The following PSMD10 variants were observed in gnomAD, a reference collection of about 807,000 sequenced individuals.
PSMD10 encodes 26S proteasome non-ATPase regulatory subunit 10.
Under a neutral mutation model 13.2 loss-of-function variants are expected in PSMD10, and 2 were observed. The observed-to-expected ratio is 0.15, with a 90% CI of 0.06 to 0.48. The LOEUF is 0.48. Among genes scored for constraint, PSMD10 ranks in the 20% least tolerant of loss-of-function variants. PSMD10 has a pLI of 0.97. For missense variants in PSMD10, 120 were observed against 167.4 expected, an observed-to-expected ratio of 0.72 and a Z score of 1.56; for synonymous variants, 66 against 64.4, an observed-to-expected ratio of 1.03 and a Z score of -0.12.
intron 1 of PSMD10, among the ~76,000 whole-genome samples, chrX:108,090,140 T>G (rs1263800407): frequency 8.9e-6 from 1 of 112,244 alleles, no homozygotes; most frequent in African/African-American, 3.2e-5. Flanking sequence ...TCTCTTTCAG[T>G]ATGTAAAAAA....
chrX:108,089,865 T>TA (rs2031549746), intron 1 of PSMD10, among the ~76,000 whole-genome samples: 1 of 111,448 alleles, frequency 9.0e-6, no homozygotes, highest in Admixed American at 9.5e-5. Context: ...AAATAAAAAT[T>TA]AAAAAAGCTA....
At chrX:108,089,979 T>C (rs1018983215) in intron 1 of PSMD10, among the ~76,000 whole-genome samples, 3 of 112,183 alleles carry the variant, frequency 2.7e-5, no homozygotes, top group Non-Finnish European at 5.6e-5. Context: ...TACAAAAAAA[T>C]TTCAAACACA....
rs2031479744 is a variant in PSMD10, at chrX:108,085,018, TG to T, written c.636del (p.Gly214ValfsTer5). The T allele has an allele frequency of 8.3e-7, 1 of 1,207,936 alleles. No homozygotes were observed. The highest frequency in any genetic ancestry group is 1.1e-6 in the Non-Finnish European group (1 of 894,241). On this transcript the variant is annotated frameshift_variant, in exon 5 of 5. Transcript: ENST00000217958. LOFTEE classifies it high-confidence loss of function. ...NKEEKTPLQV[A>X]KGGLGLILKR... is the part of the protein sequence containing the mutation. ...TTGAGTATTAAACCCAGGCCACCTT[TG>T]GCCACTTGCAGGGGTGTCTTTTCTT...
chrX:108,087,544 T>C lies in PSMD10; in HGVS notation c.527+142A>G. ...GGCAAGATAATAGGCAATTTTTATC[T>C]TTATATTTTGTGCAATTTAACATTT... On this transcript the variant is annotated intron_variant, in intron 4 of 4. Transcript: ENST00000217958. 5.7e-6 allele frequency: 5 copies of C among 878,114 alleles called. No individual in the cohort carries two copies. The South Asian group carries it at 1.6e-4, about 28-fold the overall frequency. 72.4% of individuals were successfully genotyped at this position (878,114 alleles called of 1,213,427 possible). A position where few individuals can be genotyped will look rare whatever the true frequency, so the allele number is the denominator to read the frequency against.
At chrX:108,088,246 A>ATATATATATAAACCATATC in intron 2 of PSMD10, 147 bp from the exon 3 acceptor site, 2 of 552,693 alleles carry the variant, frequency 3.6e-6, no homozygotes, top group Non-Finnish European at 5.7e-6. Flanking sequence ...TCACAAATCT[A>ATATATATATAAACCATATC]ATCCTAATAT....
chrX:108,086,454 T>C (rs985195365), intron 4 of PSMD10, among the ~76,000 whole-genome samples: 9 of 112,059 alleles, frequency 8.0e-5, no homozygotes, highest in African/African-American at 2.9e-4. Flanking sequence ...ACTTCTCTTA[T>C]GTAAAAGAAA....
chrX:108,084,856 A>C lies in PSMD10; in HGVS notation c.*118T>G. 3 of 838,375 alleles carry C rather than the reference A, an allele frequency of 3.6e-6. No homozygotes were observed. Among genetic ancestry groups the C allele is most frequent in the Non-Finnish European group, 3.3e-6 (2 of 614,299 alleles). 69.1% of individuals were successfully genotyped at this position (838,375 alleles called of 1,213,427 possible). A position where few individuals can be genotyped will look rare whatever the true frequency, so the allele number is the denominator to read the frequency against. ...GAACAAGAGTCAACATGTTTATAAG[A>C]CTTTGAAGGTGAGAAAACTTCATCA... On this transcript the variant is annotated 3_prime_UTR_variant, in exon 5 of 5. Transcript: ENST00000217958.
At chrX:108,089,970 A>C (rs1383401068) in intron 1 of PSMD10, among the ~76,000 whole-genome samples, 1 of 112,581 alleles carries the variant, frequency 8.9e-6, no homozygotes, top group South Asian at 3.6e-4. Context: ...AAACTCTATT[A>C]CAAAAAAATT....
rs184684713 is a variant in PSMD10 at position 108,090,484 on chromosome X, T to C, written c.114+923A>G. On this transcript the variant is annotated intron_variant, in intron 1 of 4. Transcript: ENST00000217958. The stretch of plus-strand genomic sequence containing the variant: ...ATCCTTAAATATCACCAGACCATAA[T>C]GAAGTAAACCAGGTAAAGATAAGGC... 4.3e-3 allele frequency among the ~76,000 whole-genome samples: 482 copies of C among 112,139 alleles called. 3 individuals carry two copies. Among genetic ancestry groups the C allele is most frequent in the African/African-American group, 0.015 (451 of 30,847 alleles).
At chrX:108,087,366 TTATAC>T (rs1238177089) in intron 4 of PSMD10, 1 of 170,110 alleles carries the variant, frequency 5.9e-6, no homozygotes, top group African/African-American at 3.1e-5. Flanking sequence ...TAATATATGC[TTATAC>T]TATGAGGTGA....
At position 108,084,516 on chromosome X, in the gene PSMD10, A is replaced by C. The variant is rs1371047721; in HGVS notation, c.*458T>G. On this transcript the variant is annotated 3_prime_UTR_variant, in exon 5 of 5. Transcript: ENST00000217958. ...AAATTAAACCTCATGGTTAAAAAAA[A>C]CAGAAACGTTTGGCGTAGGCCTGAG... The C allele has an allele frequency of 1.8e-5, 2 of 113,644 alleles. No homozygotes were observed. The highest frequency in any genetic ancestry group is 3.7e-5 in the Non-Finnish European group (2 of 53,849). The allele number at this position is 113,644 out of a possible 1,213,427, so 9.4% of individuals were successfully genotyped here.
At chrX:108,091,298 C>T in intron 1 of PSMD10, 109 bp downstream of exon 1, 2 of 709,018 alleles carry the variant, frequency 2.8e-6, no homozygotes, top group Non-Finnish European at 4.4e-6. Context: ...GCGGCGGGGG[C>T]GGGGTTCTGC....
chrX:108,085,267 A>G, intron 4 of PSMD10, 140 bp from the exon 5 acceptor site: 1 of 605,733 alleles, frequency 1.7e-6, no homozygotes, highest in Non-Finnish European at 2.4e-6. Flanking sequence ...AAGAAACATC[A>G]GTTTGCATAG....
At chrX:108,089,677 A>G (rs1280639299) in intron 1 of PSMD10, among the ~76,000 whole-genome samples, 2 of 110,314 alleles carry the variant, frequency 1.8e-5, no homozygotes, top group African/African-American at 6.6e-5. Context: ...TACTAAAAAT[A>G]CAAAAGTTAG....
rs184172679 is a variant in PSMD10, at chrX:108,085,085, C to A, written c.570G>T (p.Leu190=). The A allele has an allele frequency of 9.9e-6, 12 of 1,207,187 alleles. No homozygotes were observed. The highest frequency in any genetic ancestry group is 8.8e-5 in the Admixed American group (4 of 45,500). Residue 190 remains leucine (L), a synonymous_variant, in exon 5 of 5, where the codon CTG becomes CTT. Transcript: ENST00000217958. ...CDEERVEEAK[L]LVSQGASIYI... ...AAATACTTGCTCCTTGGGACACCAG[C>A]AGTTTTGCTTCTTCCACTCTCTCCT...
chrX:108,089,045 T>C (rs745789327), intron 1 of PSMD10, among the ~76,000 whole-genome samples, 195 bp from the exon 2 acceptor site: 1 of 112,376 alleles, frequency 8.9e-6, no homozygotes, highest in African/African-American at 3.2e-5. Flanking sequence ...AGAATGACAT[T>C]GATGAACATA....
chrX:108,085,079 C>A lies in PSMD10; in HGVS notation c.576G>T (p.Val192=), dbSNP rs1237207355. 3 of 1,207,698 alleles carry A rather than the reference C, an allele frequency of 2.5e-6. No individual in the cohort carries two copies. Among genetic ancestry groups the A allele is most frequent in the Non-Finnish European group, 3.4e-6 (3 of 894,075 alleles). ...EERVEEAKLL[V]SQGASIYIEN... ...CAATGTAAATACTTGCTCCTTGGGACACCAGCAGTTTTGCTTCTTCCACTC... is the reference window on the plus strand; with the variant it reads ...CAATGTAAATACTTGCTCCTTGGGAAACCAGCAGTTTTGCTTCTTCCACTC... Residue 192 remains valine, a synonymous_variant, in exon 5 of 5, where the codon GTG becomes GTT. Coordinates refer to ENST00000217958, the MANE Select transcript of PSMD10 (RefSeq NM_002814.4).
chrX:108,088,212 CA>C, intron 2 of PSMD10, 113 bp from the exon 3 acceptor site: 1 of 748,123 alleles, frequency 1.3e-6, no homozygotes, highest in East Asian at 3.3e-5. Flanking sequence ...TATTTGCCTA[CA>C]AAAAAGGTTC....
intron 4 of PSMD10, chrX:108,087,479 AG>A (rs1449537564): frequency 1.1e-5 from 5 of 458,606 alleles, no homozygotes; most frequent in Non-Finnish European, 1.7e-5. Flanking sequence ...AAAGACCAGG[AG>A]GAAATACACA....
Sources: allele counts gnomAD v4.1 joint callset (sites outside exome capture counted in the v4.1 genomes callset), GRCh38; gene constraint gnomAD v4.1.1; transcripts MANE v1.5; gene names NCBI Gene and HGNC (gene_info 2026-07-23, HGNC 2026-07-21).